The following ZFHX4 variants were observed in gnomAD, a reference collection of about 807,000 sequenced individuals.
The protein encoded by ZFHX4 is zinc finger homeobox protein 4.
A neutral mutation model predicts 267.6 loss-of-function variants in ZFHX4; 56 were observed. The ratio of observed to expected loss-of-function variants is 0.21; its 90% CI spans 0.17 to 0.26. The LOEUF (loss-of-function observed/expected upper bound fraction) is 0.26. Among genes scored for constraint, ZFHX4 ranks in the 10% least tolerant of loss-of-function variants. The probability of loss-of-function intolerance (pLI) is 1.00; values close to 1 mark genes in which losing one functional copy is unlikely to be tolerated. For synonymous variants in ZFHX4, 1,778 were observed against 1,665.6 expected (o/e 1.07, Z -1.64); for missense variants, 4,332 against 4,420.0 (o/e 0.98, Z 0.56).
intron 4 of ZFHX4, among the ~76,000 whole-genome samples, chr8:76,783,155 G>C (rs1037840665): frequency 1.3e-5 from 2 of 152,050 alleles, no homozygotes; most frequent in African/African-American, 4.8e-5. Context: ...ATGATAGTGT[G>C]AATCTTATAA....
chr8:76,834,243 T>C lies in ZFHX4; in HGVS notation c.3394+837T>C, dbSNP rs989497343. 1.4e-5 allele frequency: 5 copies of C among 349,132 alleles called. No individual in the cohort carries two copies. In the East Asian group the frequency reaches 3.8e-4, roughly 27 times the overall value. 21.6% of individuals were successfully genotyped at this position (349,132 alleles called of 1,614,324 possible). On this transcript the variant is annotated intron_variant, in intron 5 of 10. Coordinates refer to ENST00000651372, the MANE Select transcript of ZFHX4 (RefSeq NM_024721.5). ...GACATAAATTTTCAACTCCCTTTGA[T>C]AAATGCCAAGGAGTACAATTACTAG...
chr8:76,848,663 A>T (rs1318662670), intron 6 of ZFHX4, among the ~76,000 whole-genome samples: 1 of 152,182 alleles, frequency 6.6e-6, no homozygotes, highest in African/African-American at 2.4e-5. Context: ...TTTTTAAGTT[A>T]GTATTTGTGA....
chr8:76,724,472 G>A (rs1296988620), intron 3 of ZFHX4, among the ~76,000 whole-genome samples: 1 of 151,980 alleles, frequency 6.6e-6, no homozygotes, highest in Non-Finnish European at 1.5e-5. Flanking sequence ...TGCCTCTTAG[G>A]ACAAGAGTCT....
chr8:76,824,410 T>A (rs10957818), intron 4 of ZFHX4, among the ~76,000 whole-genome samples: 5,766 of 152,190 alleles, frequency 0.038, 169 homozygotes, highest in African/African-American at 0.08. Flanking sequence ...ATTGTTCGTA[T>A]CTTCTCATCA....
chr8:76,854,046 C>T lies in ZFHX4; in HGVS notation c.7125C>T (p.Asn2375=), dbSNP rs1457303675. 14 of 1,613,820 alleles carry T rather than the reference C, an allele frequency of 8.7e-6. No individual in the cohort carries two copies. Among genetic ancestry groups the T allele is most frequent in the African/African-American group, 4.0e-5 (3 of 74,926 alleles). Reference sequence around the variant, plus strand: ...CTGGCCAAACGGATGCAGCTAAAAACGCTGCTGCCCCTGCAGCAAGTTCTG... The same window carrying T: ...CTGGCCAAACGGATGCAGCTAAAAATGCTGCTGCCCCTGCAGCAAGTTCTG... The part of the protein sequence containing the change: ...TVSGQTDAAK[N]AAAPAASSGS... Residue 2375 remains asparagine, a synonymous_variant, in exon 10 of 11, where the codon AAC becomes AAT. Coordinates refer to ENST00000651372, the MANE Select transcript of ZFHX4 (RefSeq NM_024721.5).
intron 4 of ZFHX4, among the ~76,000 whole-genome samples, chr8:76,780,492 T>C (rs2733721): frequency 1.3e-5 from 2 of 152,112 alleles, no homozygotes; most frequent in African/African-American, 4.8e-5. Flanking sequence ...CCATATCTTT[T>C]ATAAGTCCCT....
Position 76,853,062 on chromosome 8 carries a change from ACCTCCTCCT to A in ZFHX4, c.6156_6164del (p.Pro2059_Pro2061del), listed in dbSNP as rs750748601. On this transcript the variant is annotated inframe_deletion, in exon 10 of 11. Coordinates refer to ENST00000651372, the MANE Select transcript of ZFHX4 (RefSeq NM_024721.5). ...CACCCACTCCTCCCCCACCACCACC[ACCTCCTCCT>A]CCTCCTCCTCCTCCCCCCCCACCTC... The A allele has an allele frequency of 6.8e-6, 3 of 438,694 alleles. No homozygotes were observed. The highest frequency in any genetic ancestry group is 8.2e-6 in the Non-Finnish European group (2 of 243,048). 27.2% of individuals were successfully genotyped at this position (438,694 alleles called of 1,614,324 possible).
intron 4 of ZFHX4, among the ~76,000 whole-genome samples, chr8:76,801,506 G>C (rs954810416): frequency 2.0e-5 from 3 of 152,082 alleles, no homozygotes; most frequent in African/African-American, 7.2e-5. Flanking sequence ...ATCTAATAAA[G>C]GCCTATTGCA....
intron 4 of ZFHX4, among the ~76,000 whole-genome samples, chr8:76,819,687 A>T (rs190533090): frequency 2.8e-4 from 42 of 152,352 alleles, no homozygotes; most frequent in African/African-American, 1.0e-3. Context: ...GTATTGTGCA[A>T]CCGTTTCACG....
chr8:76,854,312 C>T lies in ZFHX4; in HGVS notation c.7391C>T (p.Ser2464Leu). 6.2e-7 allele frequency: 1 copy of T among 1,612,628 alleles called. No homozygotes were observed. Among genetic ancestry groups the T allele is most frequent in the South Asian group, 1.1e-5 (1 of 90,954 alleles). The stretch of plus-strand genomic sequence containing the variant: ...CCCCAACTTATCGGAAGACCTCCCT[C>T]GGCCTCTCAAACACCGGTCCCTTCC... The part of the protein sequence containing the change: ...KQPQLIGRPP[S>L]ASQTPVPSSP... Residue 2464 changes from serine to leucine, a missense_variant, in exon 10 of 11, where the codon TCG (serine) becomes TTG (leucine). Coordinates refer to ENST00000651372, the MANE Select transcript of ZFHX4 (RefSeq NM_024721.5).
intron 1 of ZFHX4, among the ~76,000 whole-genome samples, chr8:76,701,386 T>C (rs756603168): frequency 2.6e-5 from 4 of 152,116 alleles, no homozygotes; most frequent in Non-Finnish European, 5.9e-5. Flanking sequence ...TAAAATTGTA[T>C]GGGAGTATTG....
At chr8:76,839,776 A>G (rs1009721563) in intron 5 of ZFHX4, among the ~76,000 whole-genome samples, 1 of 152,136 alleles carries the variant, frequency 6.6e-6, no homozygotes, top group South Asian at 2.1e-4. Flanking sequence ...TTTTATATAT[A>G]TATTTCCCTT....
Position 76,704,256 on chromosome 8 carries a change from C to T in ZFHX4, c.168C>T (p.Arg56=). 2 of 1,613,988 alleles carry T rather than the reference C, an allele frequency of 1.2e-6. No homozygotes were observed. Among genetic ancestry groups the T allele is most frequent in the Non-Finnish European group, 1.7e-6 (2 of 1,179,890 alleles). ...STDDNLKTDE[R]KSEALLGFSV... is the part of the protein sequence containing the mutation. ...ATGACAACCTGAAAACGGATGAGCG[C>T]AAAAGTGAAGCCTTGCTGGGTTTCA... The change falls in exon 2 of 11, where the codon CGC becomes CGT. Residue 56 remains arginine, a synonymous_variant. Transcript: ENST00000651372.
Position 76,748,812 on chromosome 8 carries a change from C to A in ZFHX4, c.3094-29396C>A, listed in dbSNP as rs572023643. ...CCTTTTCTTTCCTGCCTGCTATGTA[C>A]AAGGCTACCATGTTGAACATTTTTA... On this transcript the variant is annotated intron_variant, in intron 3 of 10. Coordinates refer to ENST00000651372, the MANE Select transcript of ZFHX4 (RefSeq NM_024721.5). Among the ~76,000 whole-genome samples the A allele has an allele frequency of 1.1e-3, 171 of 152,304 alleles. 1 individual carries two copies. Among genetic ancestry groups the A allele is most frequent in the African/African-American group, 3.7e-3 (154 of 41,578 alleles).
At chr8:76,799,317 A>T (rs1811060037) in intron 4 of ZFHX4, among the ~76,000 whole-genome samples, 1 of 150,244 alleles carries the variant, frequency 6.7e-6, no homozygotes, top group Non-Finnish European at 1.5e-5. Flanking sequence ...AATTATCAGC[A>T]CATGCTTTGC....
intron 1 of ZFHX4, among the ~76,000 whole-genome samples, chr8:76,685,326 T>C (rs1807664981): frequency 6.6e-6 from 1 of 152,168 alleles, no homozygotes; most frequent in Non-Finnish European, 1.5e-5. Context: ...TTTTTTATGG[T>C]TTCTACCTCA....
At chr8:76,764,902 AG>A (rs930359603) in intron 3 of ZFHX4, among the ~76,000 whole-genome samples, 1 of 152,180 alleles carries the variant, frequency 6.6e-6, no homozygotes, top group African/African-American at 2.4e-5. Flanking sequence ...TTCCAGACCT[AG>A]GTTAATTAAC....
chr8:76,685,679 T>G (rs562572390), intron 1 of ZFHX4, among the ~76,000 whole-genome samples: 7 of 152,262 alleles, frequency 4.6e-5, no homozygotes, highest in Non-Finnish European at 8.8e-5. Context: ...AGGACTGTGT[T>G]AATTTTCTTA....
At chr8:76,805,128 C>T (rs1811213525) in intron 4 of ZFHX4, among the ~76,000 whole-genome samples, 1 of 152,072 alleles carries the variant, frequency 6.6e-6, no homozygotes, top group Non-Finnish European at 1.5e-5. Flanking sequence ...AGTCCTCATG[C>T]CTAACGCTGC....
Sources: allele counts gnomAD v4.1 joint callset (sites outside exome capture counted in the v4.1 genomes callset), GRCh38; gene constraint gnomAD v4.1.1; transcripts MANE v1.5; gene names NCBI Gene and HGNC (gene_info 2026-07-23, HGNC 2026-07-21).